The following DDX59 variants were observed in gnomAD, a reference collection of about 807,000 sequenced individuals.
DDX59 encodes the protein DEAD-box helicase 59, also known as probable ATP-dependent RNA helicase DDX59.
DDX59 carries 30 observed loss-of-function variants against 51.9 expected under a neutral mutation model. The observed-to-expected ratio is 0.58, with a 90% CI of 0.43 to 0.78. DDX59 has a LOEUF of 0.78. Ranked by LOEUF, DDX59 falls within the 30% of genes least tolerant of loss-of-function variation. The pLI is 0.00. For missense variants in DDX59, 672 were observed against 730.8 expected, an observed-to-expected ratio of 0.92 and a Z score of 0.93; for synonymous variants, 255 against 253.3, an observed-to-expected ratio of 1.01 and a Z score of -0.06.
chr1:200,645,483 T>G (rs1443347803), intron 7 of DDX59, among the ~76,000 whole-genome samples: 1 of 152,166 alleles, frequency 6.6e-6, no homozygotes, highest in African/African-American at 2.4e-5. Context: ...TTCACCATCT[T>G]GACCAGGCTG....
At chr1:200,669,025 T>C (rs1662974591) in intron 1 of DDX59, among the ~76,000 whole-genome samples, 1 of 152,216 alleles carries the variant, frequency 6.6e-6, no homozygotes, top group Non-Finnish European at 1.5e-5. Flanking sequence ...CTTGGGCACA[T>C]GTTCTCAGGA....
intron 1 of DDX59, among the ~76,000 whole-genome samples, chr1:200,668,062 G>T (rs976230979): frequency 1.3e-5 from 2 of 152,102 alleles, no homozygotes; most frequent in South Asian, 4.1e-4. Flanking sequence ...ACTTTGGGAG[G>T]CCGAGGCGGG....
Position 200,666,191 on chromosome 1 carries a change from T to TCTTCCTGAAGG in DDX59, c.549_550insCCTTCAGGAAG (p.Asn184ProfsTer13), listed in dbSNP as rs1168922824. 1 of 1,614,214 alleles carries TCTTCCTGAAGG rather than the reference T, an allele frequency of 6.2e-7. No individual in the cohort carries two copies. The highest frequency in any genetic ancestry group is 1.1e-5 in the South Asian group (1 of 91,086). On this transcript the variant is annotated frameshift_variant, in exon 2 of 8. Transcript: ENST00000331314. LOFTEE classifies it high-confidence loss of function. ...AAAATTCCCAGCTGCTGTTTAAGAT[T>TCTTCCTGAAGG]TTCAATCTGGTCTTCCTGAAGGTTC... is the stretch of plus-strand genomic sequence containing the variant.
intron 4 of DDX59, among the ~76,000 whole-genome samples, chr1:200,656,360 G>GT (rs1042359118): frequency 1.3e-5 from 2 of 152,106 alleles, no homozygotes; most frequent in Admixed American, 1.3e-4. Flanking sequence ...TAGTACTTTT[G>GT]TATCTCTGTA....
rs1661597837 is a variant in DDX59 at position 200,650,611 on chromosome 1, A to T, written c.1128T>A (p.Asn376Lys). 6.2e-7 allele frequency: 1 copy of T among 1,613,970 alleles called. No individual in the cohort carries two copies. Among genetic ancestry groups the T allele is most frequent in the Admixed American group, 1.7e-5 (1 of 60,008 alleles). Residue 376 changes from asparagine (N) to lysine (K), a missense_variant, in exon 5 of 8, where the codon AAT becomes AAA. Transcript: ENST00000331314. The stretch of plus-strand genomic sequence containing the variant: ...CTGAAACCAAAATGGTCTGACAATC[A>T]TTAGGAATGTTTTCCAAAATGTCAA... ...QVLDILENIP[N>K]DCQTILVSAT...
chr1:200,647,227 C>G (rs1243084142), intron 7 of DDX59, among the ~76,000 whole-genome samples: 1 of 152,092 alleles, frequency 6.6e-6, no homozygotes, highest in African/African-American at 2.4e-5. Context: ...AGGTAGCAGT[C>G]AGTGAGATAA....
At position 200,650,573 on chromosome 1, in the gene DDX59, G is replaced by T; in HGVS notation, c.1166C>A (p.Thr389Asn). Residue 389 changes from threonine to asparagine, a missense_variant, in exon 5 of 8, where the codon ACT (threonine) becomes AAT (asparagine). Physicochemically the swap from Thr to Asn is moderately conservative, Grantham distance 65. Coordinates refer to ENST00000331314, the MANE Select transcript of DDX59 (RefSeq NM_001031725.6). The part of the protein sequence containing the change: ...QTILVSATIP[T>N]SIEQLASQLL... ...CTGGCTTGCTAGCTGTTCTATGCTA[G>T]TTGGAATTGTGGCTGAAACCAAAAT... 1 of 1,614,052 alleles carries T rather than the reference G, an allele frequency of 6.2e-7. No homozygotes were observed. Among genetic ancestry groups the T allele is most frequent in the Non-Finnish European group, 8.5e-7 (1 of 1,179,978 alleles).
intron 1 of DDX59, among the ~76,000 whole-genome samples, chr1:200,668,167 C>A (rs187722500): frequency 1.1e-3 from 161 of 152,082 alleles, no homozygotes; most frequent in African/African-American, 3.6e-3. Context: ...ATTAGCCGGG[C>A]GTTGGCGGCA....
At chr1:200,649,853 T>TC (rs1326913596) in intron 5 of DDX59, among the ~76,000 whole-genome samples, 1 of 150,824 alleles carries the variant, frequency 6.6e-6, no homozygotes, top group Non-Finnish European at 1.5e-5. Flanking sequence ...CTTTTTTTTT[T>TC]TTTTTTTGAG....
In DDX59 at chr1:200,659,993, C is replaced by CT. The variant is rs112639007; in HGVS notation, c.973-878dup. ...GCTACTGCATTCAGCTTATTTTTAC[C>CT]TTTTTTTAAACAAGAAGGAAAAATG... On this transcript the variant is annotated intron_variant, in intron 3 of 7. Coordinates refer to ENST00000331314, the MANE Select transcript of DDX59 (RefSeq NM_001031725.6). 2.9e-3 allele frequency among the ~76,000 whole-genome samples: 449 copies of CT among 152,236 alleles called. 3 individuals carry two copies. The highest frequency in any genetic ancestry group is 0.01 in the African/African-American group (432 of 41,554).
chr1:200,665,920 C>T lies in DDX59; in HGVS notation c.804+17G>A, dbSNP rs1662695611. 6.4e-7 allele frequency: 1 copy of T among 1,567,436 alleles called. No homozygotes were observed. The highest frequency in any genetic ancestry group is 1.4e-5 in the African/African-American group (1 of 73,042). On this transcript the variant is annotated intron_variant, in intron 2 of 7. Transcript: ENST00000331314. ...TTTCCAAGAATAATACATGTGAACT[C>T]TATTATTAACACTTACCTCGAATAA...
intron 4 of DDX59, among the ~76,000 whole-genome samples, chr1:200,651,571 T>A (rs886809652): frequency 2.0e-5 from 3 of 152,238 alleles, no homozygotes; most frequent in Non-Finnish European, 2.9e-5. Context: ...GGAAAAAGTT[T>A]CTGCTGTTTA....
intron 4 of DDX59, among the ~76,000 whole-genome samples, chr1:200,657,285 G>A (rs941163789): frequency 2.7e-5 from 4 of 150,098 alleles, no homozygotes; most frequent in Admixed American, 2.7e-4. Flanking sequence ...TACTTCTCTA[G>A]CTCATAAGAT....
At chr1:200,654,819 C>T (rs1198793366) in intron 4 of DDX59, 1 of 152,244 alleles carries the variant, frequency 6.6e-6, no homozygotes, top group Non-Finnish European at 1.5e-5. Context: ...TGACTATTTG[C>T]ATCTTCATCC....
chr1:200,666,593 C>G lies in DDX59; in HGVS notation c.148G>C (p.Ala50Pro), dbSNP rs150913822. Residue 50 changes from alanine to proline, a missense_variant, in exon 2 of 8, where the codon GCC becomes CCC. Transcript: ENST00000331314. ...VPVDAVATEA[A>P]TIDRHISESC... Reference sequence around the variant, plus strand: ...TCGCTGATGTGCCTGTCTATTGTGGCTGCTTCTGTAGCTACAGCATCAACG... The same window carrying G: ...TCGCTGATGTGCCTGTCTATTGTGGGTGCTTCTGTAGCTACAGCATCAACG... 5,218 of 1,614,188 alleles carry G rather than the reference C, an allele frequency of 3.2e-3. 20 individuals carry two copies. The highest frequency in any genetic ancestry group is 0.015 in the Middle Eastern group (89 of 6,062).
chr1:200,656,645 G>A (rs1662039556), intron 4 of DDX59, among the ~76,000 whole-genome samples: 2 of 152,186 alleles, frequency 1.3e-5, no homozygotes, highest in African/African-American at 4.8e-5. Flanking sequence ...GCACATACAG[G>A]CACTTGATAA....
At chr1:200,653,882 A>AC (rs955113087) in intron 4 of DDX59, among the ~76,000 whole-genome samples, 2 of 151,652 alleles carry the variant, frequency 1.3e-5, no homozygotes, top group Non-Finnish European at 2.9e-5. Flanking sequence ...ATCCAAGGTA[A>AC]CCCCCCTCCC....
At chr1:200,650,173 T>C (rs1157128250) in intron 5 of DDX59, among the ~76,000 whole-genome samples, 3 of 152,148 alleles carry the variant, frequency 2.0e-5, no homozygotes, top group Non-Finnish European at 2.9e-5. Flanking sequence ...GGAGAACATA[T>C]TCCTTAGGAA....
At chr1:200,648,289 T>G (rs1239510646) in intron 7 of DDX59, 150 bp downstream of exon 7, 1 of 1,020,154 alleles carries the variant, frequency 9.8e-7, no homozygotes, top group Non-Finnish European at 1.4e-6. Flanking sequence ...TCGAGTGATC[T>G]GCCCGCGATG....
Sources: gnomAD v4.1 joint callset for allele counts (sites outside exome capture counted in the v4.1 genomes callset) on GRCh38, gnomAD v4.1.1 for gene constraint, MANE v1.5 for transcripts, NCBI Gene and HGNC (gene_info 2026-07-23, HGNC 2026-07-21) for gene names.